Variants in PRKCH observed in about 807,000 individuals in gnomAD.
PRKCH encodes the protein protein kinase C eta.
A neutral mutation model predicts 82.5 loss-of-function variants in PRKCH; 28 were observed. The observed-to-expected ratio is 0.34, with a 90% CI of 0.25 to 0.47. PRKCH has a LOEUF of 0.47. PRKCH is among the 20% of genes least tolerant of loss of function. PRKCH has a pLI of 1.00. For synonymous variants in PRKCH, 322 were observed against 327.4 expected (o/e 0.98, Z 0.18); for missense variants, 705 against 881.8 (o/e 0.80, Z 2.54).
intron 1 of PRKCH, among the ~76,000 whole-genome samples, chr14:61,291,572 T>A (rs2045362991): frequency 6.6e-6 from 1 of 152,086 alleles, no homozygotes; most frequent in Non-Finnish European, 1.5e-5. Context: ...TCAGGTGATC[T>A]GCCCGCCTCG....
intron 1 of PRKCH, among the ~76,000 whole-genome samples, chr14:61,359,280 C>G (rs994256972): frequency 9.9e-5 from 15 of 152,148 alleles, no homozygotes; most frequent in African/African-American, 3.4e-4. Flanking sequence ...AGCAGCCACC[C>G]CTGAAGTAGA....
chr14:61,321,470 C>T (rs2045620434), upstream of PRKCH, among the ~76,000 whole-genome samples: 1 of 152,214 alleles, frequency 6.6e-6, no homozygotes, highest in African/African-American at 2.4e-5. This position sits in a 1 kb window ranked among gnomAD's most constrained non-coding sequence, Gnocchi z 4.1. Flanking sequence ...CAAGCGGGCA[C>T]TGGCCTCCCG....
In PRKCH at chr14:61,280,457, G is replaced by A. The variant is rs45541032; in HGVS notation, c.-19+92789G>A. On this transcript the variant is annotated intron_variant, in intron 1 of 3. Transcript: ENST00000555185. This position sits in a 1 kb window ranked among gnomAD's most constrained non-coding sequence, Gnocchi z 5.0. ...TCGGGGCTGAGCTCGTAGACTGGCC[G>A]GCGCCAGTTGGGCGGGGGCGCCGTG... 4.3e-6 allele frequency: 7 copies of A among 1,613,622 alleles called. No homozygotes were observed. The highest frequency in any genetic ancestry group is 2.7e-5 in the African/African-American group (2 of 75,046).
At chr14:61,296,758 TG>T (rs2045409362) in intron 1 of PRKCH, among the ~76,000 whole-genome samples, 2 of 152,222 alleles carry the variant, frequency 1.3e-5, no homozygotes, top group Non-Finnish European at 2.9e-5. Context: ...GTATTTCTAA[TG>T]ATTTTGTTTC....
intron 2 of PRKCH, among the ~76,000 whole-genome samples, chr14:61,398,009 C>T (rs899929421): frequency 6.6e-6 from 1 of 152,162 alleles, no homozygotes; most frequent in Non-Finnish European, 1.5e-5. Flanking sequence ...AACCCCTCAC[C>T]ACTGTTCATC....
intron 1 of PRKCH, among the ~76,000 whole-genome samples, chr14:61,241,212 G>C (rs1405383395): frequency 1.3e-5 from 2 of 152,224 alleles, no homozygotes; most frequent in Non-Finnish European, 2.9e-5. Context: ...GAAGTGTATA[G>C]GGTGAGGTTA....
At chr14:61,341,139 G>A (rs1051802582) in intron 1 of PRKCH, among the ~76,000 whole-genome samples, 6 of 152,256 alleles carry the variant, frequency 3.9e-5, no homozygotes, top group South Asian at 2.1e-4. Flanking sequence ...GGCTTCCTGT[G>A]CCCTATAAAG....
At chr14:61,444,627 C>CTG (rs1380316431) in intron 3 of PRKCH, among the ~76,000 whole-genome samples, 2 of 152,142 alleles carry the variant, frequency 1.3e-5, no homozygotes, top group African/African-American at 4.8e-5. Flanking sequence ...CATACTCTCT[C>CTG]TCTCACACAC....
At chr14:61,437,468 A>C (rs897417478) in intron 2 of PRKCH, among the ~76,000 whole-genome samples, 2 of 152,248 alleles carry the variant, frequency 1.3e-5, no homozygotes, top group South Asian at 4.1e-4. Flanking sequence ...ATGATAAAAC[A>C]AATTATCTCA....
intron 10 of PRKCH, among the ~76,000 whole-genome samples, chr14:61,509,638 A>T (rs1887291569): frequency 1.3e-5 from 2 of 152,194 alleles, no homozygotes; most frequent in African/African-American, 4.8e-5. Flanking sequence ...TAATCCCAGT[A>T]CTTTGGGAGG....
chr14:61,549,070 A>G (rs1266607598), intron 13 of PRKCH, among the ~76,000 whole-genome samples: 1 of 152,150 alleles, frequency 6.6e-6, no homozygotes, highest in African/African-American at 2.4e-5. Flanking sequence ...CGTTCCTTCA[A>G]TGGTCAGCCC....
chr14:61,276,150 T>C lies in PRKCH; in HGVS notation c.-19+88482T>C, dbSNP rs539142796. On this transcript the variant is annotated intron_variant, in intron 1 of 3. Transcript: ENST00000555185. ...GGGACCTTAATGTACTTCAGGTTCA[T>C]GAAGACCTTCTTAACGACTCTTTTG... 2.6e-5 allele frequency among the ~76,000 whole-genome samples: 4 copies of C among 152,278 alleles called. No individual in the cohort carries two copies. The South Asian group carries it at 8.3e-4, about 32-fold the overall frequency.
intron 1 of PRKCH, among the ~76,000 whole-genome samples, chr14:61,206,625 A>G (rs1408907311): frequency 3.3e-5 from 5 of 152,128 alleles, no homozygotes; most frequent in Non-Finnish European, 7.3e-5. Context: ...CCATCCAACA[A>G]TCTCTTTCAA....
chr14:61,510,204 G>A (rs925662041), intron 10 of PRKCH, among the ~76,000 whole-genome samples: 2 of 152,184 alleles, frequency 1.3e-5, no homozygotes, highest in African/African-American at 4.8e-5. Context: ...GGTTTTGAAT[G>A]TTGGGCTAGG....
intron 10 of PRKCH, 65 bp from the exon 11 acceptor site, chr14:61,529,010 A>G (rs1208499449): frequency 1.5e-5 from 8 of 537,580 alleles, no homozygotes; most frequent in Non-Finnish European, 1.9e-5. Flanking sequence ...GTGTGTGCCC[A>G]TTCTGAGAGG....
At chr14:61,310,862 C>T (rs554831394) in intron 1 of PRKCH, among the ~76,000 whole-genome samples, 2 of 152,394 alleles carry the variant, frequency 1.3e-5, no homozygotes, top group African/African-American at 2.4e-5. Context: ...GGTTCTCCAA[C>T]CTCAATTATT....
At chr14:61,317,188 A>G (rs1481302706), upstream of PRKCH, among the ~76,000 whole-genome samples, 1 of 152,164 alleles carries the variant, frequency 6.6e-6, no homozygotes, top group East Asian at 1.9e-4. Flanking sequence ...TCAGAACGCT[A>G]TGATCTCTCT....
At chr14:61,344,706 CTGATG>C (rs1306452358) in intron 1 of PRKCH, among the ~76,000 whole-genome samples, 1 of 152,050 alleles carries the variant, frequency 6.6e-6, no homozygotes, top group East Asian at 1.9e-4. Context: ...GTCCCTTGCA[CTGATG>C]AATCCTGACC....
chr14:61,520,627 A>G (rs558025651), intron 10 of PRKCH, among the ~76,000 whole-genome samples: 20 of 152,236 alleles, frequency 1.3e-4, no homozygotes, highest in Non-Finnish European at 2.8e-4. Flanking sequence ...AATGGCCATT[A>G]AACATATATT....
Sources: gnomAD v4.1 joint callset for allele counts (sites outside exome capture counted in the v4.1 genomes callset) on GRCh38, gnomAD v4.1.1 for gene constraint, Gnocchi (gnomAD v3.1) non-coding constraint, MANE v1.5 for transcripts, NCBI Gene and HGNC (gene_info 2026-07-23, HGNC 2026-07-21) for gene names.